C19orf47: variants seen among roughly 807,000 people sequenced by gnomAD.
The protein encoded by C19orf47 is uncharacterized protein C19orf47.
Under a neutral mutation model 32.3 loss-of-function variants are expected in C19orf47, and 18 were observed. That is an observed-to-expected ratio of 0.56 (90% CI 0.39 to 0.83). The LOEUF is 0.83. C19orf47 is among the 40% of genes least tolerant of loss of function. The probability of loss-of-function intolerance (pLI) is 0.00; values close to 1 mark genes in which losing one functional copy is unlikely to be tolerated. For missense variants in C19orf47, 484 were observed against 531.6 expected (o/e 0.91, Z 0.88); for synonymous variants, 202 against 211.1 (o/e 0.96, Z 0.37).
At chr19:40,314,684 G>A (rs924466033), downstream of C19orf47, among the ~76,000 whole-genome samples, 1 of 152,218 alleles carries the variant, frequency 6.6e-6, no homozygotes, top group Non-Finnish European at 1.5e-5. Context: ...TGCCCCCAAG[G>A]AGATGGAGCA....
At chr19:40,310,406 G>C in the C19orf47 span, among the ~76,000 whole-genome samples, 1 of 152,188 alleles carries the variant, frequency 6.6e-6, no homozygotes, top group East Asian at 1.9e-4. Flanking sequence ...AGCCTCCCAA[G>C]TACCTGGGAT....
At chr19:40,337,320 T>TTATTATTATTATTACTAC (rs1316591626) in intron 2 of C19orf47, among the ~76,000 whole-genome samples, 1 of 149,324 alleles carries the variant, frequency 6.7e-6, no homozygotes, top group East Asian at 2.0e-4. Context: ...ATTATTATTA[T>TTATTATTATTATTACTAC]TACTATTACT....
At chr19:40,335,348 G>A (rs551976454) in intron 4 of C19orf47, among the ~76,000 whole-genome samples, 138 of 152,300 alleles carry the variant, frequency 9.1e-4, no homozygotes, top group African/African-American at 3.2e-3. Context: ...CTGTCCTGGA[G>A]ATAATACTTA....
At chr19:40,315,608 C>G (rs2077656653), downstream of C19orf47, among the ~76,000 whole-genome samples, 1 of 151,982 alleles carries the variant, frequency 6.6e-6, no homozygotes, top group Non-Finnish European at 1.5e-5. Context: ...CGGTGAAACC[C>G]CATATCTACT....
chr19:40,331,911 AC>A (rs915941329), intron 5 of C19orf47, among the ~76,000 whole-genome samples: 2 of 149,754 alleles, frequency 1.3e-5, no homozygotes, highest in African/African-American at 4.9e-5. Context: ...GGTGGCAGGC[AC>A]CTGTAATGCC....
the C19orf47 span, among the ~76,000 whole-genome samples, chr19:40,295,314 C>A: frequency 6.6e-6 from 1 of 151,924 alleles, no homozygotes; most frequent in African/African-American, 2.4e-5. Flanking sequence ...GCCACCGTGC[C>A]CGGCCTAAAC....
At chr19:40,309,133 C>T in the C19orf47 span, among the ~76,000 whole-genome samples, 4 of 151,650 alleles carry the variant, frequency 2.6e-5, no homozygotes, top group Non-Finnish European at 4.4e-5. Context: ...GATTTCTCCT[C>T]CAGTGATAAT....
intron 5 of C19orf47, among the ~76,000 whole-genome samples, chr19:40,330,161 C>G (rs893744578): frequency 2.0e-5 from 3 of 152,016 alleles, no homozygotes; most frequent in Non-Finnish European, 4.4e-5. Context: ...ATTCTTCCCA[C>G]CCCTTTCTTT....
chr19:40,307,267 T>C, the C19orf47 span, among the ~76,000 whole-genome samples: 1 of 151,836 alleles, frequency 6.6e-6, no homozygotes. Flanking sequence ...AGCTAACTTT[T>C]GTATTTAAGT....
At chr19:40,343,933 C>T in intron 1 of C19orf47, 1 of 151,894 alleles carries the variant, frequency 6.6e-6, no homozygotes, top group Non-Finnish European at 1.5e-5. Context: ...GCAGCTGGGA[C>T]CACAGGCACT....
At chr19:40,333,182 C>T (rs540541667) in intron 5 of C19orf47, among the ~76,000 whole-genome samples, 20 of 151,836 alleles carry the variant, frequency 1.3e-4, no homozygotes, top group South Asian at 4.2e-4. Context: ...CGCTTGAACC[C>T]GGGAGGTGGA....
At chr19:40,316,346 A>G (rs538413041), downstream of C19orf47, among the ~76,000 whole-genome samples, 5 of 152,254 alleles carry the variant, frequency 3.3e-5, no homozygotes, top group South Asian at 8.3e-4. Context: ...TCTCAGGGCG[A>G]CCATCCACAC....
At chr19:40,328,912 G>A (rs770480391) in intron 5 of C19orf47, among the ~76,000 whole-genome samples, 9 of 152,180 alleles carry the variant, frequency 5.9e-5, no homozygotes, top group East Asian at 1.9e-4. Flanking sequence ...GCAAGTAGGC[G>A]CTTCCTCAGG....
chr19:40,320,285 A>G lies in C19orf47; in HGVS notation c.*1597T>C, dbSNP rs1363437372. Reference sequence around the variant, plus strand: ...GATCCTAAATGAAACTCAGCTCAGCACATCCCAGCTCCAAATCCTCCCGAT... The same window carrying G: ...GATCCTAAATGAAACTCAGCTCAGCGCATCCCAGCTCCAAATCCTCCCGAT... On this transcript the variant is annotated 3_prime_UTR_variant, in exon 9 of 9. Transcript: ENST00000683109. 1 of 155,904 alleles carries G rather than the reference A, an allele frequency of 6.4e-6. No individual in the cohort carries two copies. Among genetic ancestry groups the G allele is most frequent in the Non-Finnish European group, 1.4e-5 (1 of 69,320 alleles). The allele number at this position is 155,904 out of a possible 1,614,324, so 9.7% of individuals were successfully genotyped here.
intron 5 of C19orf47, among the ~76,000 whole-genome samples, chr19:40,333,274 A>AAAATAAATAAATAAATAAAT (rs61342452): frequency 1.7e-3 from 236 of 142,898 alleles, no homozygotes; most frequent in Admixed American, 2.7e-3. Flanking sequence ...AATAAATAAG[A>AAAATAAATAAATAAATAAAT]AAATAAATAA....
chr19:40,297,238 T>C, the C19orf47 span, among the ~76,000 whole-genome samples: 2 of 152,162 alleles, frequency 1.3e-5, no homozygotes, highest in African/African-American at 4.8e-5. Flanking sequence ...CTTGCTTAGA[T>C]GATGGCTGCC....
the C19orf47 span, among the ~76,000 whole-genome samples, chr19:40,294,131 G>A: frequency 6.6e-6 from 1 of 152,032 alleles, no homozygotes; most frequent in East Asian, 2.0e-4. Flanking sequence ...AAAAAAAACG[G>A]GTAGCGGGAA....
chr19:40,315,438 G>C (rs1399076141), downstream of C19orf47, among the ~76,000 whole-genome samples: 1 of 151,984 alleles, frequency 6.6e-6, no homozygotes, highest in African/African-American at 2.4e-5. Context: ...TTGAGCTCAG[G>C]AATCTGAGAC....
chr19:40,328,335 G>A (rs1043799065), intron 6 of C19orf47, 78 bp downstream of exon 6: 1 of 1,566,806 alleles, frequency 6.4e-7, no homozygotes, highest in African/African-American at 1.4e-5. Context: ...TTACAATATT[G>A]GAAGCATGAC....
Sources: gnomAD v4.1 joint callset for allele counts (sites outside exome capture counted in the v4.1 genomes callset) on GRCh38, gnomAD v4.1.1 for gene constraint, MANE v1.5 for transcripts, NCBI Gene and HGNC (gene_info 2026-07-23, HGNC 2026-07-21) for gene names.